Variants in GALNT18 observed in about 807,000 individuals in gnomAD.
The protein encoded by GALNT18 is GalNAc-transferase 18.
Under a neutral mutation model 69.5 loss-of-function variants are expected in GALNT18, and 44 were observed. That is an observed-to-expected ratio of 0.63 (90% CI 0.50 to 0.81). The LOEUF (loss-of-function observed/expected upper bound fraction) is 0.81. Ranked by LOEUF, GALNT18 falls within the 40% of genes least tolerant of loss-of-function variation. The probability of loss-of-function intolerance (pLI) is 0.00; values close to 1 mark genes in which losing one functional copy is unlikely to be tolerated. For missense variants in GALNT18, 715 were observed against 810.0 expected (o/e 0.88, Z 1.42); for synonymous variants, 364 against 318.2 (o/e 1.14, Z -1.53).
At chr11:11,307,417 T>A (rs1849597468) in intron 9 of GALNT18, among the ~76,000 whole-genome samples, 1 of 152,172 alleles carries the variant, frequency 6.6e-6, no homozygotes, top group East Asian at 1.9e-4. Flanking sequence ...ACATACTTAT[T>A]TAAATAACCC....
In GALNT18 at chr11:11,439,699, G is replaced by A. The variant is rs1299258047; in HGVS notation, c.429-6912C>T. Among the ~76,000 whole-genome samples the A allele has an allele frequency of 1.3e-5, 2 of 152,210 alleles. No individual in the cohort carries two copies. The highest frequency in any genetic ancestry group is 2.4e-5 in the African/African-American group (1 of 41,456). Reference sequence around the variant, plus strand: ...CAGAGTAGAAATTCAGAATGCACCTGGTGATGGGCTGAGTGAACACATGAA... The same window carrying A: ...CAGAGTAGAAATTCAGAATGCACCTAGTGATGGGCTGAGTGAACACATGAA... On this transcript the variant is annotated intron_variant, in intron 2 of 10. Coordinates refer to ENST00000227756, the MANE Select transcript of GALNT18 (RefSeq NM_198516.3). This position sits in a 1 kb window ranked among gnomAD's most constrained non-coding sequence, Gnocchi z 4.4.
At chr11:11,506,205 G>C (rs1438356230) in intron 1 of GALNT18, among the ~76,000 whole-genome samples, 1 of 152,198 alleles carries the variant, frequency 6.6e-6, no homozygotes, top group Non-Finnish European at 1.5e-5. Context: ...TCTGGCAAGT[G>C]AATATAAAAA....
In GALNT18 at chr11:11,562,816, C is replaced by A. The variant is rs753341155; in HGVS notation, c.235+58543G>T. On this transcript the variant is annotated intron_variant, in intron 1 of 10. Transcript: ENST00000227756. The surrounding 1 kb of genome is among the most constrained non-coding windows in gnomAD (Gnocchi z 4.1). Reference sequence around the variant, plus strand: ...TCAAGGCTGAGAGAGGCTATTTAACCCAGGTCACGTGGAGGAAAGTGGCAA... The same window carrying A: ...TCAAGGCTGAGAGAGGCTATTTAACACAGGTCACGTGGAGGAAAGTGGCAA... Among the ~76,000 whole-genome samples, 1 of 152,102 alleles carries A rather than the reference C, an allele frequency of 6.6e-6. No homozygotes were observed. Among genetic ancestry groups the A allele is most frequent in the Non-Finnish European group, 1.5e-5 (1 of 68,030 alleles).
In GALNT18 at chr11:11,397,300, G is replaced by T. The variant is rs1345030767; in HGVS notation, c.596-18036C>A. Among the ~76,000 whole-genome samples the T allele has an allele frequency of 3.3e-5, 5 of 152,130 alleles. No individual in the cohort carries two copies. In the East Asian group the frequency reaches 9.7e-4, roughly 29 times the overall value. ...GGAGGCCAGGTATTCACAGAGCCTG[G>T]GTTTTAGTAGACAGATATCAAAGAG... is the stretch of plus-strand genomic sequence containing the variant. On this transcript the variant is annotated intron_variant, in intron 3 of 10. Transcript: ENST00000227756.
At chr11:11,560,647 G>A (rs1217102956) in intron 1 of GALNT18, among the ~76,000 whole-genome samples, 1 of 152,176 alleles carries the variant, frequency 6.6e-6, no homozygotes, top group Non-Finnish European at 1.5e-5. Context: ...CATGGCAGGT[G>A]TGGTTGTGCA....
chr11:11,411,155 CA>C (rs1277130658), intron 3 of GALNT18, among the ~76,000 whole-genome samples: 1 of 152,032 alleles, frequency 6.6e-6, no homozygotes, highest in Non-Finnish European at 1.5e-5. Flanking sequence ...TCTAAATAAA[CA>C]AAAATAAATT....
chr11:11,442,921 G>T (rs543648043), intron 2 of GALNT18, among the ~76,000 whole-genome samples: 3 of 152,186 alleles, frequency 2.0e-5, no homozygotes, highest in Non-Finnish European at 4.4e-5. Flanking sequence ...CTGAAGATCT[G>T]CTGGCAAGAG....
chr11:11,274,731 T>TG (rs1267533672), intron 10 of GALNT18, among the ~76,000 whole-genome samples: 1 of 152,208 alleles, frequency 6.6e-6, no homozygotes, highest in East Asian at 1.9e-4. Flanking sequence ...CCCCAGTGTG[T>TG]GATGTTCCCC....
intron 1 of GALNT18, among the ~76,000 whole-genome samples, chr11:11,553,889 G>A (rs1334065727): frequency 6.6e-6 from 1 of 152,156 alleles, no homozygotes; most frequent in African/African-American, 2.4e-5. Context: ...AAATGCATGG[G>A]CACATCCCTA....
Position 11,619,899 on chromosome 11 carries a change from G to C in GALNT18, c.235+1460C>G, listed in dbSNP as rs569930710. Among the ~76,000 whole-genome samples, 1 of 152,200 alleles carries C rather than the reference G, an allele frequency of 6.6e-6. No individual in the cohort carries two copies. Among genetic ancestry groups the C allele is most frequent in the East Asian group, 1.9e-4 (1 of 5,194 alleles). ...GTCAATGTCCCTCTTTTCTGGGAAG[G>C]TGCCGAAGCCATGGGCTTGTTTTGA... On this transcript the variant is annotated intron_variant, in intron 1 of 10. Coordinates refer to ENST00000227756, the MANE Select transcript of GALNT18 (RefSeq NM_198516.3). The surrounding 1 kb of genome is among the most constrained non-coding windows in gnomAD (Gnocchi z 4.9).
At chr11:11,517,591 C>G (rs1857309226) in intron 1 of GALNT18, among the ~76,000 whole-genome samples, 1 of 152,218 alleles carries the variant, frequency 6.6e-6, no homozygotes, top group Non-Finnish European at 1.5e-5. Flanking sequence ...CATCCCTGCT[C>G]TGGGGCTGTA....
chr11:11,522,423 A>C (rs896784622), intron 1 of GALNT18, among the ~76,000 whole-genome samples: 1 of 152,174 alleles, frequency 6.6e-6, no homozygotes, highest in Non-Finnish European at 1.5e-5. Context: ...GGAGGGGATG[A>C]GAGTGTCCCT....
At position 11,387,011 on chromosome 11, in the gene GALNT18, C is replaced by T. The variant is rs1297052589; in HGVS notation, c.596-7747G>A. Among the ~76,000 whole-genome samples the T allele has an allele frequency of 1.3e-5, 2 of 152,166 alleles. No homozygotes were observed. Among genetic ancestry groups the T allele is most frequent in the African/African-American group, 4.8e-5 (2 of 41,444 alleles). ...TCCAGGTGAGATTCTGACGGATGGG[C>T]CAAACTTGGTTACAACTGAAATACA... On this transcript the variant is annotated intron_variant, in intron 3 of 10. Transcript: ENST00000227756. This position sits in a 1 kb window ranked among gnomAD's most constrained non-coding sequence, Gnocchi z 4.6.
At chr11:11,453,662 A>G (rs1267042377) in intron 1 of GALNT18, among the ~76,000 whole-genome samples, 2 of 152,142 alleles carry the variant, frequency 1.3e-5, no homozygotes, top group Non-Finnish European at 2.9e-5. Flanking sequence ...AGTCTTTCCC[A>G]TGCTGTTCTC....
intron 1 of GALNT18, among the ~76,000 whole-genome samples, chr11:11,501,107 T>C (rs372810308): frequency 1.3e-5 from 2 of 152,340 alleles, no homozygotes; most frequent in East Asian, 1.9e-4. Flanking sequence ...CCTATTGAAC[T>C]GTTTAAGTGT....
At chr11:11,301,519 G>A (rs16909393) in intron 9 of GALNT18, among the ~76,000 whole-genome samples, 15,573 of 152,226 alleles carry the variant, frequency 0.1, 1,104 homozygotes, top group East Asian at 0.24. Context: ...CGAGGTCCAC[G>A]TGAGGAATGG....
chr11:11,607,656 AT>A (rs1183730768), intron 1 of GALNT18, among the ~76,000 whole-genome samples: 1 of 152,232 alleles, frequency 6.6e-6, no homozygotes, highest in Admixed American at 6.5e-5. Context: ...CCTGCCTGCA[AT>A]TGAAATTATA....
At chr11:11,537,735 C>T (rs4522166) in intron 1 of GALNT18, among the ~76,000 whole-genome samples, 65,690 of 152,004 alleles carry the variant, frequency 0.43, 14,870 homozygotes, top group East Asian at 0.82. Flanking sequence ...TCACCCTGGA[C>T]GCATGATCAG....
chr11:11,304,847 G>A (rs1171839717), intron 9 of GALNT18, among the ~76,000 whole-genome samples: 2 of 152,206 alleles, frequency 1.3e-5, no homozygotes, highest in South Asian at 2.1e-4. Context: ...CACTGGACCT[G>A]CAGCATCCTG....
Sources: gnomAD v4.1 joint callset for allele counts (sites outside exome capture counted in the v4.1 genomes callset) on GRCh38, gnomAD v4.1.1 for gene constraint, Gnocchi (gnomAD v3.1) non-coding constraint, MANE v1.5 for transcripts, NCBI Gene and HGNC (gene_info 2026-07-23, HGNC 2026-07-21) for gene names.